The following DISP1 variants were observed in gnomAD, a reference collection of about 807,000 sequenced individuals.
The protein encoded by DISP1 is protein dispatched homolog 1.
Under a neutral mutation model 37.3 loss-of-function variants are expected in DISP1, and 30 were observed. The ratio of observed to expected loss-of-function variants is 0.80; its 90% CI spans 0.60 to 1.09. The LOEUF is 1.09. Among genes scored for constraint, DISP1 ranks in the 50% least tolerant of loss-of-function variants. The pLI is 0.00. For missense variants in DISP1, 1,598 were observed against 1,879.5 expected (o/e 0.85, Z 2.77); for synonymous variants, 634 against 690.2 (o/e 0.92, Z 1.28).
chr1:223,003,605 A>T lies in DISP1; in HGVS notation c.2208A>T (p.Val736=). 1 of 1,614,190 alleles carries T rather than the reference A, an allele frequency of 6.2e-7. No individual in the cohort carries two copies. Among genetic ancestry groups the T allele is most frequent in the South Asian group, 1.1e-5 (1 of 91,084 alleles). Residue 736 remains valine, a synonymous_variant, in exon 9 of 9, where the codon GTA becomes GTT. Transcript: ENST00000675850. The surrounding 1 kb of genome is among the most constrained non-coding windows in gnomAD (Gnocchi z 4.3). ...TAACTGTAGGTGGGGCCTACATTGT[A>T]TGTATAAATCCAAAGATGAAACTGC... The part of the protein sequence containing the change: ...LALTVGGAYI[V]CINPKMKLPS...
intron 2 of DISP1, among the ~76,000 whole-genome samples, chr1:222,938,266 T>A (rs1674117248): frequency 6.6e-6 from 1 of 152,212 alleles, no homozygotes; most frequent in Non-Finnish European, 1.5e-5. Flanking sequence ...GCATTCATAA[T>A]CATATACCAT....
intron 1 of DISP1, among the ~76,000 whole-genome samples, chr1:222,840,403 G>A (rs1667520112): frequency 1.3e-5 from 2 of 151,826 alleles, no homozygotes; most frequent in African/African-American, 4.8e-5. Context: ...CACCATGCCT[G>A]GCTAATTTTT....
At chr1:222,967,638 A>G (rs1280878008) in intron 3 of DISP1, among the ~76,000 whole-genome samples, 2 of 152,166 alleles carry the variant, frequency 1.3e-5, no homozygotes, top group African/African-American at 2.4e-5. Flanking sequence ...CTACATATAT[A>G]AGACTTTTTC....
chr1:222,901,971 T>C (rs1671612270), intron 1 of DISP1, among the ~76,000 whole-genome samples: 1 of 152,160 alleles, frequency 6.6e-6, no homozygotes, highest in Non-Finnish European at 1.5e-5. Flanking sequence ...TCTCTGATGG[T>C]AGTTTGTATT....
At chr1:222,882,223 G>C (rs1006448432) in intron 1 of DISP1, among the ~76,000 whole-genome samples, 1 of 152,086 alleles carries the variant, frequency 6.6e-6, no homozygotes, top group Non-Finnish European at 1.5e-5. Flanking sequence ...CATGTTGTGA[G>C]ATAATCAAGA....
intron 1 of DISP1, among the ~76,000 whole-genome samples, chr1:222,839,208 A>T (rs999161675): frequency 4.6e-5 from 7 of 152,166 alleles, no homozygotes; most frequent in African/African-American, 1.4e-4. Flanking sequence ...CTCCTGTCAG[A>T]TCAGCAGCAG....
chr1:223,004,395 C>A lies in DISP1; in HGVS notation c.2998C>A (p.Leu1000Met). ...LSVAVAFSVM[L>M]LTTWNIIISL... ...AGTTGCTGTTGCATTTAGCGTGATGCTGCTGACAACTTGGAACATCATCAT... is the reference window on the plus strand; with the variant it reads ...AGTTGCTGTTGCATTTAGCGTGATGATGCTGACAACTTGGAACATCATCAT... The change falls in exon 9 of 9, where the codon CTG becomes ATG. Residue 1000 changes from leucine to methionine, a missense_variant. Leu to Met is a conservative substitution (Grantham distance 15). Coordinates refer to ENST00000675850, the MANE Select transcript of DISP1 (RefSeq NM_001377229.1). The surrounding 1 kb of genome is among the most constrained non-coding windows in gnomAD (Gnocchi z 4.9). 6.2e-7 allele frequency: 1 copy of A among 1,614,196 alleles called. No individual in the cohort carries two copies. The highest frequency in any genetic ancestry group is 1.1e-5 in the South Asian group (1 of 91,084).
chr1:222,987,831 G>A (rs1373506595), intron 4 of DISP1, among the ~76,000 whole-genome samples: 2 of 152,146 alleles, frequency 1.3e-5, no homozygotes, highest in Non-Finnish European at 2.9e-5. Flanking sequence ...TAAGCCTGGG[G>A]CCATTTTCAT....
intron 3 of DISP1, among the ~76,000 whole-genome samples, chr1:222,959,181 T>A (rs1195171779): frequency 6.6e-6 from 1 of 152,212 alleles, no homozygotes; most frequent in Non-Finnish European, 1.5e-5. Flanking sequence ...GGAACTTGAT[T>A]TGTGAACTGA....
At chr1:222,866,157 ACT>A (rs573325086) in intron 1 of DISP1, among the ~76,000 whole-genome samples, 73 of 151,618 alleles carry the variant, frequency 4.8e-4, no homozygotes, top group Admixed American at 1.6e-3. Context: ...CTGTTGGGGT[ACT>A]CTTTTTCCAG....
At position 223,003,350 on chromosome 1, in the gene DISP1, G is replaced by T. The variant is rs899864367; in HGVS notation, c.1953G>T (p.Trp651Cys). 6.2e-7 allele frequency: 1 copy of T among 1,613,956 alleles called. No individual in the cohort carries two copies. The highest frequency in any genetic ancestry group is 1.3e-5 in the African/African-American group (1 of 74,934). ...TGAATTACGTTTTGATGGTCACATG[G>T]CTTCCAGCAGTTGTTGTGCTGCATG... ...ILVNYVLMVT[W>C]LPAVVVLHER... Residue 651 changes from tryptophan to cysteine, a missense_variant, in exon 9 of 9, where the codon TGG becomes TGT. Transcript: ENST00000675850. This position sits in a 1 kb window ranked among gnomAD's most constrained non-coding sequence, Gnocchi z 4.3.
chr1:222,945,373 G>A (rs1674696164), intron 3 of DISP1, among the ~76,000 whole-genome samples: 1 of 152,182 alleles, frequency 6.6e-6, no homozygotes, highest in African/African-American at 2.4e-5. Context: ...CAAACTGTGT[G>A]AACAGTTGAT....
intron 1 of DISP1, among the ~76,000 whole-genome samples, chr1:222,899,548 A>G (rs980082197): frequency 6.6e-6 from 1 of 152,190 alleles, no homozygotes; most frequent in African/African-American, 2.4e-5. Flanking sequence ...TGTCTGGCTT[A>G]CAGGAATGAG....
At chr1:222,924,970 T>C (rs1217299465) in intron 1 of DISP1, among the ~76,000 whole-genome samples, 1 of 152,094 alleles carries the variant, frequency 6.6e-6, no homozygotes, top group Non-Finnish European at 1.5e-5. Flanking sequence ...ACCTAAATAG[T>C]ATGATCTACA....
chr1:222,903,974 G>A (rs1242012923), intron 1 of DISP1, among the ~76,000 whole-genome samples: 1 of 152,176 alleles, frequency 6.6e-6, no homozygotes, highest in African/African-American at 2.4e-5. Context: ...ATCTGCTTCA[G>A]TGTTTGCGTG....
chr1:222,862,810 T>C (rs1222645593), intron 1 of DISP1, among the ~76,000 whole-genome samples: 1 of 152,186 alleles, frequency 6.6e-6, no homozygotes, highest in Non-Finnish European at 1.5e-5. Context: ...GGGATTATAG[T>C]GTGAGCCACC....
At chr1:222,864,982 G>C (rs991029345) in intron 1 of DISP1, among the ~76,000 whole-genome samples, 1 of 150,358 alleles carries the variant, frequency 6.7e-6, no homozygotes, top group Non-Finnish European at 1.5e-5. Flanking sequence ...TTACAATTTA[G>C]GACAGCCATT....
intron 1 of DISP1, among the ~76,000 whole-genome samples, chr1:222,856,744 A>G (rs1238237539): frequency 1.4e-5 from 2 of 142,752 alleles, no homozygotes; most frequent in African/African-American, 5.2e-5. Context: ...TCACTCTGTC[A>G]CTCAGGCTGG....
chr1:222,851,721 A>G (rs1037860418), intron 1 of DISP1, among the ~76,000 whole-genome samples: 1 of 151,340 alleles, frequency 6.6e-6, no homozygotes, highest in Admixed American at 6.6e-5. Flanking sequence ...TCTTTTTCCC[A>G]GTTTCAAATA....
Sources: gnomAD v4.1 joint callset for allele counts (sites outside exome capture counted in the v4.1 genomes callset) on GRCh38, gnomAD v4.1.1 for gene constraint, Gnocchi (gnomAD v3.1) non-coding constraint, MANE v1.5 for transcripts, NCBI Gene and HGNC (gene_info 2026-07-23, HGNC 2026-07-21) for gene names.